Variants in VBP1 observed in about 807,000 individuals in gnomAD.
VBP1 encodes the protein prefoldin subunit 3.
A neutral mutation model predicts 15.5 loss-of-function variants in VBP1; 4 were observed. The observed-to-expected ratio is 0.26, with a 90% CI of 0.13 to 0.59. VBP1 has a LOEUF of 0.59. Ranked by LOEUF, VBP1 falls within the 20% of genes least tolerant of loss-of-function variation. The probability of loss-of-function intolerance (pLI) is 0.90; values close to 1 mark genes in which losing one functional copy is unlikely to be tolerated. For synonymous variants in VBP1, 61 were observed against 52.1 expected (o/e 1.17, Z -0.74); for missense variants, 108 against 139.6 (o/e 0.77, Z 1.14).
chrX:155,218,970 A>C (rs2074677054), intron 1 of VBP1, among the ~76,000 whole-genome samples: 2 of 111,461 alleles, frequency 1.8e-5, no homozygotes, highest in African/African-American at 6.5e-5. Context: ...AGAAACTTAC[A>C]CTTCTTTCTC....
chrX:155,224,931 G>C (rs1244309102), intron 2 of VBP1, among the ~76,000 whole-genome samples: 2 of 111,011 alleles, frequency 1.8e-5, no homozygotes, highest in Non-Finnish European at 3.8e-5. Context: ...GCAATTAGAT[G>C]GATAGCCATG....
chrX:155,204,679 G>T (rs2074620481), intron 1 of VBP1, among the ~76,000 whole-genome samples: 1 of 112,059 alleles, frequency 8.9e-6, no homozygotes, highest in Non-Finnish European at 1.9e-5. Context: ...ATGCACAGAA[G>T]TGGAATAGTC....
chrX:155,200,715 C>T (rs1327806732), intron 1 of VBP1, among the ~76,000 whole-genome samples: 5 of 105,862 alleles, frequency 4.7e-5, no homozygotes, highest in Non-Finnish European at 9.7e-5. Context: ...AAAGCAAGAG[C>T]AAACACATTC....
chrX:155,235,452 A>G (rs2074767470), intron 4 of VBP1, among the ~76,000 whole-genome samples: 1 of 111,409 alleles, frequency 9.0e-6, no homozygotes, highest in African/African-American at 3.3e-5. Context: ...AGATGAGGAA[A>G]GTGGTTTAGG....
At chrX:155,226,267 T>C (rs896710097) in intron 2 of VBP1, among the ~76,000 whole-genome samples, 2 of 111,952 alleles carry the variant, frequency 1.8e-5, no homozygotes, top group South Asian at 3.7e-4. Context: ...CTCTCTTTAA[T>C]TGACTGAATG....
At chrX:155,227,393 T>C (rs193111585) in intron 3 of VBP1, 92 bp downstream of exon 3, 1 of 605,773 alleles carries the variant, frequency 1.7e-6, no homozygotes, top group East Asian at 4.3e-5. Context: ...ATATTTGATC[T>C]GTGCTGTGGA....
intron 1 of VBP1, 135 bp from the exon 2 acceptor site, chrX:155,220,048 T>C: frequency 1.8e-6 from 1 of 542,845 alleles, no homozygotes; most frequent in Admixed American, 4.7e-5. Context: ...GTGCTTAACC[T>C]GTACTTTTAG....
chrX:155,210,218 G>T (rs943469023), intron 2 of VBP1, among the ~76,000 whole-genome samples: 2 of 111,381 alleles, frequency 1.8e-5, no homozygotes, highest in Non-Finnish European at 3.8e-5. Flanking sequence ...GGTTGAGGTG[G>T]CAGGAGGATG....
chrX:155,230,025 C>G (rs2074738000), intron 4 of VBP1, among the ~76,000 whole-genome samples: 1 of 111,464 alleles, frequency 9.0e-6, no homozygotes, highest in South Asian at 3.8e-4. Context: ...TTTAGGGATG[C>G]CATAATAAAA....
At chrX:155,231,738 A>C (rs781825692) in intron 4 of VBP1, among the ~76,000 whole-genome samples, 1 of 112,483 alleles carries the variant, frequency 8.9e-6, no homozygotes, top group South Asian at 3.6e-4. Context: ...TATATTGTTC[A>C]GCACAGATGT....
chrX:155,205,027 C>T (rs1205785402), intron 1 of VBP1, among the ~76,000 whole-genome samples: 1 of 111,989 alleles, frequency 8.9e-6, no homozygotes, highest in Non-Finnish European at 1.9e-5. Flanking sequence ...TTTTCTGATT[C>T]CAACTTTCTT....
chrX:155,220,579 G>A (rs1033149133), intron 2 of VBP1, among the ~76,000 whole-genome samples: 3 of 111,296 alleles, frequency 2.7e-5, no homozygotes, highest in African/African-American at 9.8e-5. Context: ...AAATCATAAC[G>A]TCTTATATGT....
At chrX:155,206,193 G>T (rs1458357508) in intron 1 of VBP1, among the ~76,000 whole-genome samples, 1 of 110,477 alleles carries the variant, frequency 9.1e-6, no homozygotes, top group African/African-American at 3.3e-5. Flanking sequence ...TAAATAGGCT[G>T]GTCAGTGGGA....
chrX:155,216,434 T>C, upstream of VBP1: 1 of 1,156,523 alleles, frequency 8.6e-7, no homozygotes, highest in Non-Finnish European at 1.2e-6. Context: ...AATCACGGAA[T>C]CCCGGCGGCC....
At chrX:155,211,019 T>C (rs1016556836) in intron 2 of VBP1, among the ~76,000 whole-genome samples, 9 of 112,155 alleles carry the variant, frequency 8.0e-5, no homozygotes, top group African/African-American at 2.9e-4. Flanking sequence ...ATGAATTTTC[T>C]AGAGATTAGC....
intron 1 of VBP1, among the ~76,000 whole-genome samples, chrX:155,205,153 G>A (rs954315145): frequency 2.8e-4 from 31 of 111,957 alleles, no homozygotes; most frequent in Admixed American, 1.5e-3. Flanking sequence ...TAGCTTCAGT[G>A]CACTGCATAA....
chrX:155,214,792 G>T, upstream of VBP1, among the ~76,000 whole-genome samples: 1 of 48,802 alleles, frequency 2.0e-5, no homozygotes, highest in African/African-American at 1.6e-4. Context: ...TAAGAGATAA[G>T]AAAATGACCA....
intron 1 of VBP1, among the ~76,000 whole-genome samples, chrX:155,202,374 T>C: frequency 9.0e-6 from 1 of 111,627 alleles, no homozygotes; most frequent in Non-Finnish European, 1.9e-5. Context: ...AAGGCTACAG[T>C]AACCAAAACA....
upstream of VBP1, chrX:155,213,598 T>G (rs2074651999): frequency 8.7e-6 from 1 of 114,674 alleles, no homozygotes. Context: ...CACATTAGTG[T>G]GACATTTACA....
Sources: gnomAD v4.1 joint callset for allele counts (sites outside exome capture counted in the v4.1 genomes callset) on GRCh38, gnomAD v4.1.1 for gene constraint, MANE v1.5 for transcripts, NCBI Gene and HGNC (gene_info 2026-07-23, HGNC 2026-07-21) for gene names.